The following DNAAF11 variants were observed in gnomAD, a reference collection of about 807,000 sequenced individuals.
DNAAF11 encodes the protein dynein axonemal assembly factor 11, also known as leucine rich repeat containing 6.
In DNAAF11, 45 loss-of-function variants were observed where a neutral mutation model predicts 60.8. The observed-to-expected ratio is 0.74, with a 90% CI of 0.58 to 0.95. The LOEUF is 0.95. Ranked by LOEUF, DNAAF11 falls within the 40% of genes least tolerant of loss-of-function variation. The pLI, the probability that DNAAF11 is intolerant of heterozygous loss-of-function variation, is 0.00. For synonymous variants in DNAAF11, 191 were observed against 183.5 expected, an observed-to-expected ratio of 1.04 and a Z score of -0.33; for missense variants, 546 against 546.2, an observed-to-expected ratio of 1.00 and a Z score of 0.00.
At chr8:132,614,082 T>C (rs1818918959) in intron 8 of DNAAF11, among the ~76,000 whole-genome samples, 1 of 152,230 alleles carries the variant, frequency 6.6e-6, no homozygotes, top group South Asian at 2.1e-4. Context: ...CTTCCTGCTC[T>C]GACCACAAAC....
At chr8:132,611,465 C>A in intron 8 of DNAAF11, 102 bp from the exon 9 acceptor site, 3 of 589,710 alleles carry the variant, frequency 5.1e-6, no homozygotes, top group Admixed American at 5.6e-5. Flanking sequence ...AAATGAAGGG[C>A]GTTTAAAATA....
At position 132,615,063 on chromosome 8, in the gene DNAAF11, T is replaced by C. The variant is rs146067670; in HGVS notation, c.949A>G (p.Ile317Val). 8.6e-5 allele frequency: 139 copies of C among 1,607,734 alleles called. No individual in the cohort carries two copies. The African/African-American group carries it at 1.7e-3, about 20-fold the overall frequency. ...DFSLKDNEKQ[I>V]ILDLAVYRYM... ...CTATAGACAGCAAGGTCCAGGATGA[T>C]CTGCTTTTCGTTATCTTTCAAAGAG... Residue 317 changes from isoleucine (I) to valine (V), a missense_variant, in exon 8 of 12, where the codon ATC becomes GTC. Coordinates refer to ENST00000620350, the MANE Select transcript of DNAAF11 (RefSeq NM_012472.6).
At chr8:132,583,490 C>G (rs1474311277) in intron 11 of DNAAF11, among the ~76,000 whole-genome samples, 1 of 152,114 alleles carries the variant, frequency 6.6e-6, no homozygotes, top group Non-Finnish European at 1.5e-5. Context: ...ACATTGGGAC[C>G]TGTATATACA....
At chr8:132,695,352 C>T in the DNAAF11 span, among the ~76,000 whole-genome samples, 1 of 152,018 alleles carries the variant, frequency 6.6e-6, no homozygotes, top group Admixed American at 6.6e-5. Flanking sequence ...GGGGACAATT[C>T]CTGGAGCAAT....
At chr8:132,695,594 G>C in the DNAAF11 span, among the ~76,000 whole-genome samples, 21,595 of 152,092 alleles carry the variant, frequency 0.14, 4,389 homozygotes, top group African/African-American at 0.45. Flanking sequence ...TGGGCGAGGA[G>C]GTACTGAAGC....
At chr8:132,646,545 T>C (rs918611389) in intron 3 of DNAAF11, among the ~76,000 whole-genome samples, 1 of 152,132 alleles carries the variant, frequency 6.6e-6, no homozygotes, top group Non-Finnish European at 1.5e-5. Context: ...GACTGGCAAA[T>C]TGGATAAAGA....
intron 7 of DNAAF11, among the ~76,000 whole-genome samples, chr8:132,622,328 C>T (rs1819843464): frequency 6.6e-6 from 1 of 152,112 alleles, no homozygotes; most frequent in Non-Finnish European, 1.5e-5. Context: ...AATTTTCAGG[C>T]ATAAAACTGT....
At position 132,643,716 on chromosome 8, in the gene DNAAF11, T is replaced by G. The variant is rs1229344984; in HGVS notation, c.257-5609A>C. The G allele has an allele frequency of 6.6e-6, 3 of 456,064 alleles. No individual in the cohort carries two copies. In the Admixed American group the frequency reaches 7.0e-5, roughly 11 times the overall value. The allele number at this position is 456,064 out of a possible 1,614,324, so 28.3% of individuals were successfully genotyped here. ...AATAGGAATATCAAGAAACAGCAGA[T>G]AAGCATGATGTAAGTGCAATACTTG... On this transcript the variant is annotated intron_variant, in intron 3 of 11. Transcript: ENST00000620350.
Position 132,656,829 on chromosome 8 carries a change from C to T in DNAAF11, c.256+1G>A. Reference sequence around the variant, plus strand: ...TAGCATAATAGAAGAAACAGTCTTACCTTCCAAGTTTTCTATTTTTTCAAT... The same window carrying T: ...TAGCATAATAGAAGAAACAGTCTTATCTTCCAAGTTTTCTATTTTTTCAAT... On this transcript the variant is annotated splice_donor_variant, in intron 3 of 11. Transcript: ENST00000620350. LOFTEE classifies it high-confidence loss of function. 8.0e-7 allele frequency: 1 copy of T among 1,249,618 alleles called. No homozygotes were observed. Among genetic ancestry groups the T allele is most frequent in the Non-Finnish European group, 1.1e-6 (1 of 872,010 alleles). The allele number at this position is 1,249,618 out of a possible 1,614,324, so 77.4% of individuals were successfully genotyped here.
intron 11 of DNAAF11, 100 bp downstream of exon 11, chr8:132,583,593 AC>A: frequency 1.1e-6 from 1 of 890,804 alleles, no homozygotes; most frequent in Non-Finnish European, 1.9e-6. Flanking sequence ...TCATCTCAGA[AC>A]TTTAAATAAT....
At chr8:132,578,724 T>A (rs761803568) in intron 11 of DNAAF11, among the ~76,000 whole-genome samples, 1 of 152,312 alleles carries the variant, frequency 6.6e-6, no homozygotes, top group Non-Finnish European at 1.5e-5. Context: ...CTTGAGATCA[T>A]GAAAGACTTG....
At chr8:132,697,133 G>A in the DNAAF11 span, among the ~76,000 whole-genome samples, 1 of 152,198 alleles carries the variant, frequency 6.6e-6, no homozygotes, top group African/African-American at 2.4e-5. Flanking sequence ...TTTATAGACT[G>A]TTAGTAGATT....
the DNAAF11 span, among the ~76,000 whole-genome samples, chr8:132,688,871 C>T: frequency 2.0e-5 from 3 of 152,162 alleles, no homozygotes; most frequent in East Asian, 1.9e-4. Context: ...TTAATATACT[C>T]AGAATCACTT....
chr8:132,608,687 C>T (rs937497939), intron 10 of DNAAF11: 2 of 235,434 alleles, frequency 8.5e-6, no homozygotes, highest in Non-Finnish European at 1.8e-5. Context: ...TAGTGTTACA[C>T]AAATGTCTGT....
chr8:132,582,679 C>T (rs1004011064), intron 11 of DNAAF11, among the ~76,000 whole-genome samples: 1 of 152,216 alleles, frequency 6.6e-6, no homozygotes, highest in Non-Finnish European at 1.5e-5. Flanking sequence ...GTTTAAAAAT[C>T]TCTACAAAAC....
At chr8:132,619,069 C>A (rs558226492) in intron 7 of DNAAF11, among the ~76,000 whole-genome samples, 1 of 152,176 alleles carries the variant, frequency 6.6e-6, no homozygotes, top group East Asian at 1.9e-4. Flanking sequence ...CAATGATAGA[C>A]TGGATTAAGA....
intron 11 of DNAAF11, among the ~76,000 whole-genome samples, chr8:132,582,069 G>C (rs559504672): frequency 2.6e-5 from 4 of 152,326 alleles, no homozygotes; most frequent in African/African-American, 9.6e-5. Context: ...CCTCCCGGTG[G>C]ACGGCTGCAT....
chr8:132,608,181 AT>A (rs1818306740), intron 10 of DNAAF11, among the ~76,000 whole-genome samples: 2 of 152,192 alleles, frequency 1.3e-5, no homozygotes, highest in African/African-American at 2.4e-5. Flanking sequence ...TCAGCAAGAA[AT>A]TATTCCCCAA....
intron 10 of DNAAF11, among the ~76,000 whole-genome samples, chr8:132,602,098 C>CTG: frequency 6.6e-6 from 1 of 152,134 alleles, no homozygotes; most frequent in Non-Finnish European, 1.5e-5. Flanking sequence ...TAGCAGTGCT[C>CTG]TCTTCAGCTA....
Sources: allele counts gnomAD v4.1 joint callset (sites outside exome capture counted in the v4.1 genomes callset), GRCh38; gene constraint gnomAD v4.1.1; transcripts MANE v1.5; gene names NCBI Gene and HGNC (gene_info 2026-07-23, HGNC 2026-07-21).